Variants in CBX5 observed in about 807,000 individuals in gnomAD.
The protein encoded by CBX5 is chromobox protein homolog 5.
A neutral mutation model predicts 20.7 loss-of-function variants in CBX5; 7 were observed. The ratio of observed to expected loss-of-function variants is 0.34; its 90% confidence interval spans 0.19 to 0.63. The LOEUF (loss-of-function observed/expected upper bound fraction) is 0.63, where lower values mean the gene tolerates loss of function less well. Among genes scored for constraint, CBX5 ranks in the 30% least tolerant of loss-of-function variants. The pLI, the probability that CBX5 is intolerant of heterozygous loss-of-function variation, is 0.75. For missense variants in CBX5, 110 were observed against 224.1 expected (o/e 0.49, Z 3.25); for synonymous variants, 78 against 77.0 (o/e 1.01, Z -0.07).
At chr12:54,272,029 A>C (rs1944015457) in intron 1 of CBX5, 1 of 152,248 alleles carries the variant, frequency 6.6e-6, no homozygotes, top group African/African-American at 2.4e-5. Flanking sequence ...GCACAGATTT[A>C]GGGATGAGAA....
intron 3 of CBX5, 46 bp downstream of exon 3, chr12:54,251,995 T>C: frequency 7.1e-7 from 1 of 1,416,616 alleles, no homozygotes; most frequent in Non-Finnish European, 9.5e-7. Context: ...ATTATTATTT[T>C]GGTGGCAAAA....
At chr12:54,270,641 A>G (rs1360874213) in intron 1 of CBX5, among the ~76,000 whole-genome samples, 1 of 152,098 alleles carries the variant, frequency 6.6e-6, no homozygotes, top group Non-Finnish European at 1.5e-5. Flanking sequence ...TTTCTTTGTA[A>G]TTTCCTCTTT....
At position 54,237,820 on chromosome 12, in the gene CBX5, A is replaced by C. The variant is rs1943638179; in HGVS notation, c.*3935T>G. On this transcript the variant is annotated 3_prime_UTR_variant, in exon 5 of 5. Transcript: ENST00000209875. ...CAGAGCAACAAAGAGGGCAACTGGAATTTAAAAAAAATTGTATTACTGAAA... is the reference window on the plus strand; with the variant it reads ...CAGAGCAACAAAGAGGGCAACTGGACTTTAAAAAAAATTGTATTACTGAAA... 6.6e-6 allele frequency: 1 copy of C among 152,450 alleles called. No homozygotes were observed. 9.4% of individuals were successfully genotyped at this position (152,450 alleles called of 1,614,324 possible).
At chr12:54,259,944 G>A (rs1302637206) in intron 1 of CBX5, among the ~76,000 whole-genome samples, 1 of 152,106 alleles carries the variant, frequency 6.6e-6, no homozygotes, top group Non-Finnish European at 1.5e-5. Context: ...AACACGATCA[G>A]TACAAACCAC....
At chr12:54,251,465 G>C (rs965675709) in intron 3 of CBX5, among the ~76,000 whole-genome samples, 4 of 146,252 alleles carry the variant, frequency 2.7e-5, no homozygotes, top group Non-Finnish European at 5.9e-5. Context: ...CTTGCAGTGA[G>C]CCAAGATAGT....
At chr12:54,271,302 T>C (rs1944007125) in intron 1 of CBX5, among the ~76,000 whole-genome samples, 1 of 152,118 alleles carries the variant, frequency 6.6e-6, no homozygotes, top group South Asian at 2.1e-4. Flanking sequence ...TTTCCAAATA[T>C]AATTGCAGAT....
intron 1 of CBX5, among the ~76,000 whole-genome samples, chr12:54,262,148 TCAGA>T (rs1302478764): frequency 2.6e-5 from 4 of 152,100 alleles, no homozygotes; most frequent in African/African-American, 9.7e-5. Context: ...TCCTTAAAAC[TCAGA>T]CAAACTTTAA....
chr12:54,252,098 CTT>C lies in CBX5; in HGVS notation c.265_266del (p.Lys89GlufsTer11). The C allele has an allele frequency of 6.2e-7, 1 of 1,611,942 alleles. No homozygotes were observed. Among genetic ancestry groups the C allele is most frequent in the Non-Finnish European group, 8.5e-7 (1 of 1,179,338 alleles). On this transcript the variant is annotated frameshift_variant, in exon 3 of 5. Coordinates refer to ENST00000209875, the MANE Select transcript of CBX5 (RefSeq NM_012117.3). LOFTEE classifies it high-confidence loss of function. ...NKPREKSESNKRKSNFSNSAD... is the reference protein window; with the variant it reads ...NKPREKSESNXRKSNFSNSAD... ...CACTGTTTGAGAAATTGGATTTCCT[CTT>C]GTTACTTTCTGACTTCTCCCTGGGT... is the stretch of plus-strand genomic sequence containing the variant.
At chr12:54,275,493 G>C (rs1375442032) in intron 1 of CBX5, among the ~76,000 whole-genome samples, 1 of 151,852 alleles carries the variant, frequency 6.6e-6, no homozygotes, top group East Asian at 2.0e-4. Context: ...TGCCCGCCTC[G>C]GCCTCCCAAA....
intron 3 of CBX5, among the ~76,000 whole-genome samples, chr12:54,249,672 G>A (rs1943773400): frequency 6.6e-6 from 1 of 152,140 alleles, no homozygotes; most frequent in Non-Finnish European, 1.5e-5. Context: ...GGAAGCTGGG[G>A]GCGGGAGGAG....
chr12:54,257,770 G>A (rs1943876521), intron 1 of CBX5, 78 bp from the exon 2 acceptor site: 2 of 1,062,770 alleles, frequency 1.9e-6, no homozygotes, highest in Admixed American at 2.1e-5. Context: ...GGGATGAAAA[G>A]GGGATAACAC....
intron 1 of CBX5, among the ~76,000 whole-genome samples, chr12:54,275,771 C>T (rs1182046297): frequency 3.3e-5 from 5 of 151,690 alleles, no homozygotes; most frequent in Non-Finnish European, 4.4e-5. Context: ...TTTGGGAGGC[C>T]AAGGCAGGCA....
chr12:54,253,519 A>G (rs796369303), intron 2 of CBX5, among the ~76,000 whole-genome samples: 6 of 152,176 alleles, frequency 3.9e-5, no homozygotes, highest in African/African-American at 1.4e-4. Context: ...TGAGCCCAAC[A>G]GTTCAAAGAC....
At chr12:54,263,339 C>T (rs567162274) in intron 1 of CBX5, among the ~76,000 whole-genome samples, 12 of 151,400 alleles carry the variant, frequency 7.9e-5, no homozygotes, top group African/African-American at 2.9e-4. Flanking sequence ...CCAGCCTGGA[C>T]AACAAGGGCA....
intron 1 of CBX5, chr12:54,259,678 G>A (rs766889662): frequency 5.9e-5 from 9 of 152,714 alleles, no homozygotes; most frequent in Non-Finnish European, 1.2e-4. Flanking sequence ...ACTACACTAA[G>A]GGGGAGAAGC....
chr12:54,260,732 A>T (rs1943908823), intron 1 of CBX5, among the ~76,000 whole-genome samples: 1 of 152,160 alleles, frequency 6.6e-6, no homozygotes, highest in African/African-American at 2.4e-5. Context: ...TAGGATAAAT[A>T]AAAAAGATAT....
intron 1 of CBX5, among the ~76,000 whole-genome samples, chr12:54,276,060 T>C (rs73321081): frequency 4.0e-5 from 6 of 151,528 alleles, no homozygotes; most frequent in Admixed American, 6.6e-5. Context: ...TTTCCCTCTT[T>C]AAGCATTGTG....
intron 2 of CBX5, among the ~76,000 whole-genome samples, chr12:54,256,599 A>T (rs1476253815): frequency 6.6e-6 from 1 of 152,174 alleles, no homozygotes; most frequent in Non-Finnish European, 1.5e-5. Flanking sequence ...CCTATTTGAA[A>T]TGCAGCTAGT....
chr12:54,241,713 T>A lies in CBX5; in HGVS notation c.*42A>T, dbSNP rs370145323. The A allele has an allele frequency of 2.7e-4, 419 of 1,566,590 alleles. 1 individual carries two copies. The African/African-American group carries it at 5.1e-3, about 19-fold the overall frequency. Reference sequence around the variant, plus strand: ...AAAGGAGAGGAGGCAGGGAGGTGAATGTATTATGTACAAAGAGAAATGACA... The same window carrying A: ...AAAGGAGAGGAGGCAGGGAGGTGAAAGTATTATGTACAAAGAGAAATGACA... On this transcript the variant is annotated 3_prime_UTR_variant, in exon 5 of 5. Coordinates refer to ENST00000209875, the MANE Select transcript of CBX5 (RefSeq NM_012117.3).
Sources: gnomAD v4.1 joint callset for allele counts (sites outside exome capture counted in the v4.1 genomes callset) on GRCh38, gnomAD v4.1.1 for gene constraint, MANE v1.5 for transcripts, NCBI Gene and HGNC (gene_info 2026-07-23, HGNC 2026-07-21) for gene names.